DPEP1: variants seen among roughly 807,000 people sequenced by gnomAD.
DPEP1 encodes dipeptidase 1, also known as beta-lactamase.
In DPEP1, 50 loss-of-function variants were observed where a neutral mutation model predicts 42.3. That is an observed-to-expected ratio of 1.18 (90% CI 0.94 to 1.50). The LOEUF (loss-of-function observed/expected upper bound fraction) is 1.50, where lower values mean the gene tolerates loss of function less well. Among genes scored for constraint, DPEP1 ranks in the 40% most tolerant of loss-of-function variants. The pLI is 0.00. For synonymous variants in DPEP1, 297 were observed against 234.0 expected (o/e 1.27, Z -2.46); for missense variants, 663 against 553.0 (o/e 1.20, Z -1.99).
At chr16:89,622,657 A>G (rs1442481148) in intron 1 of DPEP1, among the ~76,000 whole-genome samples, 9 of 151,468 alleles carry the variant, frequency 5.9e-5, no homozygotes, top group African/African-American at 9.7e-5. Context: ...GGTGGCGGGC[A>G]CCTGTAGTCC....
chr16:89,637,234 G>T lies in DPEP1; in HGVS notation c.622G>T (p.Val208Phe). 1 of 1,612,686 alleles carries T rather than the reference G, an allele frequency of 6.2e-7. No individual in the cohort carries two copies. The highest frequency in any genetic ancestry group is 1.7e-5 in the Admixed American group (1 of 60,022). ...GGTGAAGGAGCTGAACCGTCTGGGG[G>T]TCCTCATCGACTTGGCTCACGTGTC... Reference protein sequence around the residue: ...RVVKELNRLGVLIDLAHVSVA... With the variant: ...RVVKELNRLGFLIDLAHVSVA... The change falls in exon 7 of 11, where the codon GTC (valine) becomes TTC (phenylalanine). Residue 208 changes from valine (V) to phenylalanine (F), a missense_variant. By Grantham distance (50) the Val-to-Phe change is conservative (BLOSUM62 -1). Coordinates refer to ENST00000690203, the MANE Select transcript of DPEP1 (RefSeq NM_001389466.1).
chr16:89,636,090 C>G (rs766205290), intron 3 of DPEP1, 50 bp downstream of exon 3: 2 of 1,571,950 alleles, frequency 1.3e-6, no homozygotes, highest in East Asian at 4.6e-5. Flanking sequence ...CATCCCGTCT[C>G]CTACCTCAGG....
Position 89,637,838 on chromosome 16 carries a change from T to C in DPEP1, c.932T>C (p.Val311Ala). The change falls in exon 10 of 11, where the codon GTC becomes GCC. Residue 311 changes from valine (V) to alanine (A), a missense_variant and splice_region_variant. By Grantham distance (64) the Val-to-Ala change is moderately conservative. Coordinates refer to ENST00000690203, the MANE Select transcript of DPEP1 (RefSeq NM_001389466.1). Reference protein sequence around the residue: ...FGGDFDGVPRVPEGLEDVSKY... With the variant: ...FGGDFDGVPRAPEGLEDVSKY... Reference sequence around the variant, plus strand: ...AGGTTCTCCTGGCCTCAACACAGGGTCCCTGAGGGGCTGGAGGACGTCTCC... The same window carrying C: ...AGGTTCTCCTGGCCTCAACACAGGGCCCCTGAGGGGCTGGAGGACGTCTCC... The C allele has an allele frequency of 6.2e-7, 1 of 1,612,640 alleles. No homozygotes were observed.
rs368989115 is a variant in DPEP1 at position 89,630,370 on chromosome 16, C to T, written c.-41C>T. 5.2e-6 allele frequency: 8 copies of T among 1,548,980 alleles called. No homozygotes were observed. Among genetic ancestry groups the T allele is most frequent in the African/African-American group, 1.4e-5 (1 of 73,078 alleles). ...CGGGCCAGCCAGGCCAGCACAGAGGCACCAGGGCAGCAGTGCACACAGGTC... is the reference window on the plus strand; with the variant it reads ...CGGGCCAGCCAGGCCAGCACAGAGGTACCAGGGCAGCAGTGCACACAGGTC... On this transcript the variant is annotated 5_prime_UTR_variant, in exon 2 of 11. Transcript: ENST00000690203.
intron 2 of DPEP1, among the ~76,000 whole-genome samples, chr16:89,633,502 C>G (rs564979509): frequency 6.6e-6 from 1 of 152,364 alleles, no homozygotes; most frequent in South Asian, 2.1e-4. Flanking sequence ...GTGCATTCGC[C>G]TTGGAAAAGC....
downstream of DPEP1, among the ~76,000 whole-genome samples, chr16:89,638,795 C>CACATA (rs200899480): frequency 4.4e-5 from 3 of 68,948 alleles, no homozygotes; most frequent in Non-Finnish European, 8.8e-5. Context: ...TGCACGCACA[C>CACATA]CCCCCACCCC....
intron 1 of DPEP1, among the ~76,000 whole-genome samples, 180 bp from the exon 2 acceptor site, chr16:89,630,125 C>T (rs1034573422): frequency 6.6e-6 from 1 of 152,210 alleles, no homozygotes; most frequent in Admixed American, 6.5e-5. Flanking sequence ...GGGATCCCAG[C>T]TTCTTACTAT....
chr16:89,634,005 G>C (rs1021901200), intron 2 of DPEP1, among the ~76,000 whole-genome samples: 5 of 151,824 alleles, frequency 3.3e-5, no homozygotes, highest in African/African-American at 1.2e-4. Flanking sequence ...TCACAGCCTG[G>C]TTGAAACACA....
chr16:89,622,126 G>T (rs2059453450), intron 1 of DPEP1, among the ~76,000 whole-genome samples: 1 of 152,134 alleles, frequency 6.6e-6, no homozygotes, highest in African/African-American at 2.4e-5. Flanking sequence ...ATGGACCCAG[G>T]ACTCTCATGC....
At position 89,637,330 on chromosome 16, in the gene DPEP1, A is replaced by G; in HGVS notation, c.718A>G (p.Ser240Gly). The change falls in exon 7 of 11, where the codon AGC (serine) becomes GGC (glycine). Residue 240 changes from serine to glycine, a missense_variant. Coordinates refer to ENST00000690203, the MANE Select transcript of DPEP1 (RefSeq NM_001389466.1). ...CATCTTCAGCCACTCCTCGGCCTAC[A>G]GCGTGTGCGCAAGCCGGCGCAACGT... ...PVIFSHSSAY[S>G]VCASRRNVPD... The G allele has an allele frequency of 6.2e-7, 1 of 1,612,552 alleles. No individual in the cohort carries two copies. The highest frequency in any genetic ancestry group is 1.3e-5 in the African/African-American group (1 of 75,064).
At chr16:89,638,003 C>A (rs1231979966) in intron 10 of DPEP1, 32 bp downstream of exon 10, 4 of 1,608,040 alleles carry the variant, frequency 2.5e-6, no homozygotes, top group Non-Finnish European at 3.4e-6. Flanking sequence ...GAGTCTCCCC[C>A]ACCACCACCA....
At chr16:89,621,244 G>T (rs2280372) in intron 1 of DPEP1, among the ~76,000 whole-genome samples, 1 of 151,264 alleles carries the variant, frequency 6.6e-6, no homozygotes, top group Non-Finnish European at 1.5e-5. Context: ...GGAAGAGCTC[G>T]CGCCCTGGTG....
At chr16:89,628,613 G>A (rs1597756466) in intron 1 of DPEP1, among the ~76,000 whole-genome samples, 1 of 152,140 alleles carries the variant, frequency 6.6e-6, no homozygotes, top group East Asian at 1.9e-4. Flanking sequence ...GTGGCCTCAA[G>A]TTCTCTCCTT....
At chr16:89,634,091 CTTT>C (rs3039849) in intron 2 of DPEP1, among the ~76,000 whole-genome samples, 3 of 123,684 alleles carry the variant, frequency 2.4e-5, no homozygotes, top group Non-Finnish European at 1.6e-5. Context: ...TTCTCTTCTT[CTTT>C]TTTTTTTTTT....
chr16:89,616,938 G>A (rs988318441), intron 1 of DPEP1: 36 of 234,702 alleles, frequency 1.5e-4, no homozygotes, highest in Non-Finnish European at 2.5e-4. Context: ...AGGTTTTACC[G>A]AGCGGCGTGA....
At chr16:89,620,853 G>C (rs1225655775) in intron 1 of DPEP1, 1 of 152,482 alleles carries the variant, frequency 6.6e-6, no homozygotes, top group Admixed American at 6.5e-5. Flanking sequence ...GAGGCCCAGG[G>C]CTGTAATGAG....
intron 1 of DPEP1, among the ~76,000 whole-genome samples, chr16:89,623,982 C>T (rs112682061): frequency 3.3e-5 from 5 of 152,156 alleles, no homozygotes; most frequent in Non-Finnish European, 7.3e-5. Context: ...CACACACAGC[C>T]GGGCCCATCC....
chr16:89,622,516 T>C (rs2059457377), intron 1 of DPEP1, among the ~76,000 whole-genome samples: 1 of 152,142 alleles, frequency 6.6e-6, no homozygotes, highest in Admixed American at 6.5e-5. Context: ...CCGGGCGCAG[T>C]GGCTCACGCC....
chr16:89,625,836 A>G (rs975294896), intron 1 of DPEP1, among the ~76,000 whole-genome samples: 2 of 152,204 alleles, frequency 1.3e-5, no homozygotes, highest in African/African-American at 4.8e-5. Context: ...TACTTGACAG[A>G]CGAAGAGACT....
Sources: allele counts gnomAD v4.1 joint callset (sites outside exome capture counted in the v4.1 genomes callset), GRCh38; gene constraint gnomAD v4.1.1; transcripts MANE v1.5; gene names NCBI Gene and HGNC (gene_info 2026-07-23, HGNC 2026-07-21).